Variants in SDK1 observed in about 807,000 individuals in gnomAD.
SDK1 encodes the protein sidekick cell adhesion molecule 1, also known as protein sidekick-1.
Under a neutral mutation model 245.5 loss-of-function variants are expected in SDK1, and 157 were observed. The ratio of observed to expected loss-of-function variants is 0.64; its 90% CI spans 0.56 to 0.73. The LOEUF (loss-of-function observed/expected upper bound fraction) is 0.73, where lower values mean the gene tolerates loss of function less well. Ranked by LOEUF, SDK1 falls within the 30% of genes least tolerant of loss-of-function variation. The pLI, the probability that SDK1 is intolerant of heterozygous loss-of-function variation, is 0.00. For synonymous variants in SDK1, 1,647 were observed against 1,278.5 expected (o/e 1.29, Z -6.15); for missense variants, 3,583 against 3,002.3 (o/e 1.19, Z -4.52).
chr7:3,557,332 A>G (rs1779619196), intron 1 of SDK1, among the ~76,000 whole-genome samples: 1 of 152,210 alleles, frequency 6.6e-6, no homozygotes, highest in African/African-American at 2.4e-5. Context: ...TTTTCCAACT[A>G]AGAAGAAATG....
At chr7:3,714,190 G>C (rs1303586765) in intron 4 of SDK1, among the ~76,000 whole-genome samples, 2 of 152,196 alleles carry the variant, frequency 1.3e-5, no homozygotes, top group Admixed American at 6.5e-5. Context: ...CTTAGACTCA[G>C]AGGGACGGGA....
chr7:3,904,962 C>T (rs1368964067), intron 5 of SDK1, among the ~76,000 whole-genome samples: 1 of 148,320 alleles, frequency 6.7e-6, no homozygotes, highest in Admixed American at 6.7e-5. Flanking sequence ...CACTGCACTC[C>T]AGCCTGGGTG....
intron 1 of SDK1, among the ~76,000 whole-genome samples, chr7:3,315,960 G>C (rs1388200489): frequency 6.6e-6 from 1 of 152,056 alleles, no homozygotes; most frequent in Non-Finnish European, 1.5e-5. Context: ...TTTGAAAGAT[G>C]GATTGATAAA....
At chr7:3,442,132 A>C (rs1367162192) in intron 1 of SDK1, among the ~76,000 whole-genome samples, 2 of 152,186 alleles carry the variant, frequency 1.3e-5, no homozygotes, top group African/African-American at 4.8e-5. Context: ...GAATATCCAC[A>C]TTCTCCAAAA....
intron 4 of SDK1, among the ~76,000 whole-genome samples, chr7:3,672,483 A>G (rs900514840): frequency 9.3e-5 from 14 of 150,694 alleles, no homozygotes; most frequent in Admixed American, 2.7e-4. Context: ...ACATACAGGC[A>G]AAGAAGAAAG....
At chr7:3,338,668 G>T in intron 1 of SDK1, 1 of 180,258 alleles carries the variant, frequency 5.5e-6, no homozygotes, top group Non-Finnish European at 1.2e-5. Flanking sequence ...ACTCTGGACT[G>T]TGTTTAAAGA....
intron 13 of SDK1, among the ~76,000 whole-genome samples, chr7:3,985,221 G>A (rs957683377): frequency 8.5e-5 from 13 of 152,192 alleles, no homozygotes; most frequent in African/African-American, 2.4e-4. Flanking sequence ...GGCGAAAACC[G>A]TCCCAGTCAC....
intron 1 of SDK1, among the ~76,000 whole-genome samples, chr7:3,342,829 T>TC (rs1346516393): frequency 1.3e-5 from 2 of 151,894 alleles, no homozygotes; most frequent in East Asian, 3.9e-4. Flanking sequence ...CTTTCAAAAT[T>TC]CAATAGGAAA....
intron 4 of SDK1, among the ~76,000 whole-genome samples, chr7:3,670,309 A>T (rs1371610172): frequency 1.3e-5 from 2 of 151,746 alleles, no homozygotes; most frequent in Non-Finnish European, 2.9e-5. Context: ...ATCTACCTAA[A>T]TTTTTTCTTC....
intron 13 of SDK1, among the ~76,000 whole-genome samples, chr7:3,984,344 G>A (rs1040417785): frequency 5.3e-5 from 8 of 152,156 alleles, no homozygotes; most frequent in African/African-American, 1.9e-4. Flanking sequence ...CACCCACCTG[G>A]CAGATGGGTT....
chr7:3,615,923 C>T (rs1385564880), intron 1 of SDK1, among the ~76,000 whole-genome samples: 1 of 151,730 alleles, frequency 6.6e-6, no homozygotes, highest in Non-Finnish European at 1.5e-5. Flanking sequence ...GTCACCCACA[C>T]TGCCAGGCTG....
chr7:3,510,001 C>T (rs1021802938), intron 1 of SDK1, among the ~76,000 whole-genome samples: 2 of 152,136 alleles, frequency 1.3e-5, no homozygotes, highest in Non-Finnish European at 2.9e-5. Context: ...AAGGACTTTC[C>T]AGAGCTCCCC....
chr7:3,403,863 A>G (rs1296747686), intron 1 of SDK1, among the ~76,000 whole-genome samples: 3 of 100,012 alleles, frequency 3.0e-5, no homozygotes, highest in Admixed American at 9.7e-5. Context: ...ATATATATAT[A>G]TATATAATAT....
At chr7:3,639,283 A>C (rs547729408) in intron 3 of SDK1, among the ~76,000 whole-genome samples, 173 bp downstream of exon 3, 15 of 152,320 alleles carry the variant, frequency 9.8e-5, no homozygotes, top group Non-Finnish European at 1.5e-5. Context: ...GTGGCTGGCC[A>C]GGTGAGGGGC....
At chr7:3,877,870 A>G (rs894788569) in intron 5 of SDK1, among the ~76,000 whole-genome samples, 20 of 152,244 alleles carry the variant, frequency 1.3e-4, no homozygotes, top group South Asian at 2.1e-4. Context: ...TTAGCCATCA[A>G]TGGAATTTAG....
intron 1 of SDK1, among the ~76,000 whole-genome samples, chr7:3,558,400 T>A (rs920121606): frequency 5.9e-5 from 9 of 152,246 alleles, no homozygotes; most frequent in African/African-American, 1.9e-4. Context: ...TTCCAGTATC[T>A]TCTTTGACCA....
chr7:3,856,162 G>A (rs1436296435), intron 5 of SDK1, among the ~76,000 whole-genome samples: 1 of 152,068 alleles, frequency 6.6e-6, no homozygotes, highest in Non-Finnish European at 1.5e-5. Context: ...CTCAAGGGAA[G>A]GATATGCTTA....
At chr7:4,097,362 C>T (rs1271429366) in intron 22 of SDK1, among the ~76,000 whole-genome samples, 1 of 152,246 alleles carries the variant, frequency 6.6e-6, no homozygotes, top group Non-Finnish European at 1.5e-5. Context: ...GGAACACAAG[C>T]TCAGTGAGAG....
intron 41 of SDK1, among the ~76,000 whole-genome samples, 185 bp downstream of exon 41, chr7:4,233,604 G>A (rs770942835): frequency 1.3e-5 from 2 of 152,106 alleles, no homozygotes; most frequent in African/African-American, 2.4e-5. Flanking sequence ...GGGGGACCCT[G>A]GGAGGTCTGT....
Sources: allele counts gnomAD v4.1 joint callset (sites outside exome capture counted in the v4.1 genomes callset), GRCh38; gene constraint gnomAD v4.1.1; transcripts MANE v1.5; gene names NCBI Gene and HGNC (gene_info 2026-07-23, HGNC 2026-07-21).